The following FSIP1 variants were observed in gnomAD, a reference collection of about 807,000 sequenced individuals.
The protein encoded by FSIP1 is fibrous sheath interacting protein 1.
A neutral mutation model predicts 60.9 loss-of-function variants in FSIP1; 65 were observed. The observed-to-expected ratio is 1.07, with a 90% confidence interval of 0.87 to 1.31. The LOEUF (loss-of-function observed/expected upper bound fraction) is 1.31. Among genes scored for constraint, FSIP1 ranks in the 40% most tolerant of loss-of-function variants. FSIP1 has a pLI of 0.00. For synonymous variants in FSIP1, 209 were observed against 221.2 expected (o/e 0.94, Z 0.49); for missense variants, 675 against 665.5 (o/e 1.01, Z -0.16).
intron 10 of FSIP1, among the ~76,000 whole-genome samples, chr15:39,649,786 T>A (rs1241615656): frequency 6.6e-6 from 1 of 152,244 alleles, no homozygotes; most frequent in Admixed American, 6.5e-5. Context: ...ATCAGAAGAA[T>A]CTGCCTCTTC....
intron 10 of FSIP1, among the ~76,000 whole-genome samples, chr15:39,673,076 C>T (rs77100393): frequency 0.047 from 7,167 of 152,244 alleles, 568 homozygotes; most frequent in African/African-American, 0.16. Flanking sequence ...AGTCCTAGAA[C>T]GTATGGACTC....
chr15:39,774,197 T>C (rs759976584), intron 2 of FSIP1, among the ~76,000 whole-genome samples: 7 of 152,222 alleles, frequency 4.6e-5, no homozygotes, highest in Non-Finnish European at 8.8e-5. Context: ...CTAAAGCACA[T>C]ATAGGCCAGA....
chr15:39,602,739 C>G (rs1398031346), intron 11 of FSIP1, among the ~76,000 whole-genome samples: 1 of 152,022 alleles, frequency 6.6e-6, no homozygotes, highest in East Asian at 2.0e-4. Flanking sequence ...TTTTGCCCAC[C>G]CAGCAAATAA....
At chr15:39,712,433 T>C (rs549854169) in intron 10 of FSIP1, among the ~76,000 whole-genome samples, 21 of 152,056 alleles carry the variant, frequency 1.4e-4, no homozygotes, top group Admixed American at 1.3e-3. Context: ...AGGCATGAGG[T>C]GACAACACTG....
intron 10 of FSIP1, among the ~76,000 whole-genome samples, chr15:39,647,391 GT>G (rs930625551): frequency 1.3e-5 from 2 of 151,866 alleles, no homozygotes; most frequent in African/African-American, 4.8e-5. Context: ...TAAAAAAGTG[GT>G]TTTTTTGGTG....
chr15:39,669,097 G>A (rs1014046904), intron 10 of FSIP1, among the ~76,000 whole-genome samples: 3 of 152,170 alleles, frequency 2.0e-5, no homozygotes, highest in African/African-American at 2.4e-5. Context: ...TGTGGAGTGG[G>A]TGGTCAGCAG....
chr15:39,682,671 C>G (rs1222991840), intron 10 of FSIP1, among the ~76,000 whole-genome samples: 1 of 152,186 alleles, frequency 6.6e-6, no homozygotes, highest in Non-Finnish European at 1.5e-5. Context: ...TAACCACAAG[C>G]AAACATCTAC....
rs1198905597 is a variant in FSIP1 at position 39,618,246 on chromosome 15, C to T, written c.1189-1G>A. 8 of 1,589,346 alleles carry T rather than the reference C, an allele frequency of 5.0e-6. No homozygotes were observed. The highest frequency in any genetic ancestry group is 6.9e-6 in the Non-Finnish European group (8 of 1,164,714). On this transcript the variant is annotated splice_acceptor_variant, in intron 10 of 11. Transcript: ENST00000350221. LOFTEE classifies it high-confidence loss of function. ...CAGAGAGACATGATGTGGACTCTAA[C>T]TGATGAAACAAACCAAAAGATTACA...
In FSIP1 at chr15:39,676,172, CA is replaced by C. The variant is rs11369072; in HGVS notation, c.1188+37271del. On this transcript the variant is annotated intron_variant, in intron 10 of 11. Transcript: ENST00000350221. The stretch of plus-strand genomic sequence containing the variant: ...TGGGTGACAGAGTGAGACTCCATCT[CA>C]AAAAAAAAAAAAAAAATGAATATCA... 2.8e-3 allele frequency among the ~76,000 whole-genome samples: 317 copies of C among 112,842 alleles called. 3 individuals carry two copies. The highest frequency in any genetic ancestry group is 1.0e-2 in the South Asian group (31 of 3,102). The allele number at this position is 112,842 out of a possible 152,430, so 74.0% of individuals were successfully genotyped here.
chr15:39,618,248 G>A lies in FSIP1; in HGVS notation c.1189-3C>T. Reference sequence around the variant, plus strand: ...GAGAGACATGATGTGGACTCTAACTGATGAAACAAACCAAAAGATTACATA... The same window carrying A: ...GAGAGACATGATGTGGACTCTAACTAATGAAACAAACCAAAAGATTACATA... On this transcript the variant is annotated splice_polypyrimidine_tract_variant and splice_region_variant and intron_variant, in intron 10 of 11. Coordinates refer to ENST00000350221, the MANE Select transcript of FSIP1 (RefSeq NM_152597.5). 1.3e-6 allele frequency: 2 copies of A among 1,588,060 alleles called. No individual in the cohort carries two copies. The highest frequency in any genetic ancestry group is 1.1e-5 in the South Asian group (1 of 88,456).
rs532939228 is a variant in FSIP1, at chr15:39,674,055, AT to A, written c.1188+39388del. ...AACATCCTTAACCCGACCCGATTTA[AT>A]TTTTTTTTTTTTTTCTGAGACAGAG... On this transcript the variant is annotated intron_variant, in intron 10 of 11. Transcript: ENST00000350221. 4.8e-3 allele frequency among the ~76,000 whole-genome samples: 694 copies of A among 144,388 alleles called. 5 individuals carry two copies. Among genetic ancestry groups the A allele is most frequent in the African/African-American group, 0.014 (563 of 39,472 alleles). The allele number at this position is 144,388 out of a possible 152,430, so 94.7% of individuals were successfully genotyped here. A position where few individuals can be genotyped will look rare whatever the true frequency, so the allele number is the denominator to read the frequency against.
chr15:39,718,471 T>C (rs1895833867), intron 9 of FSIP1, among the ~76,000 whole-genome samples: 1 of 150,082 alleles, frequency 6.7e-6, no homozygotes, highest in African/African-American at 2.4e-5. Context: ...AAACATGTTA[T>C]CAATTTCATA....
At chr15:39,598,741 T>G (rs1595517741), downstream of FSIP1, 1 of 152,074 alleles carries the variant, frequency 6.6e-6, no homozygotes, top group Admixed American at 6.5e-5. Context: ...TTTATTGTCA[T>G]GTGTTGTGGG....
chr15:39,696,713 C>A (rs1159576248), intron 10 of FSIP1, among the ~76,000 whole-genome samples: 1 of 152,054 alleles, frequency 6.6e-6, no homozygotes, highest in Non-Finnish European at 1.5e-5. Context: ...TAGACACACT[C>A]ATATAGTACC....
At position 39,775,483 on chromosome 15, in the gene FSIP1, A is replaced by G. The variant is rs116813689; in HGVS notation, c.126+916T>C. On this transcript the variant is annotated intron_variant, in intron 2 of 11. Coordinates refer to ENST00000350221, the MANE Select transcript of FSIP1 (RefSeq NM_152597.5). ...AAAAAAATCAAGTCTAGAAGTCTAGATATTTTAAGGAAAAAAAAGGGACTG... is the reference window on the plus strand; with the variant it reads ...AAAAAAATCAAGTCTAGAAGTCTAGGTATTTTAAGGAAAAAAAAGGGACTG... Among the ~76,000 whole-genome samples the G allele has an allele frequency of 5.9e-3, 824 of 140,166 alleles. 5 individuals carry two copies. The highest frequency in any genetic ancestry group is 0.019 in the African/African-American group (773 of 40,846). The allele number at this position is 140,166 out of a possible 152,430, so 92.0% of individuals were successfully genotyped here.
At chr15:39,768,338 G>T (rs1013595989) in intron 3 of FSIP1, among the ~76,000 whole-genome samples, 1 of 151,898 alleles carries the variant, frequency 6.6e-6, no homozygotes, top group Non-Finnish European at 1.5e-5. Flanking sequence ...TCCCCTTTAC[G>T]GCCTTAAAAA....
At chr15:39,775,410 T>A (rs1268478506) in intron 2 of FSIP1, among the ~76,000 whole-genome samples, 1 of 152,060 alleles carries the variant, frequency 6.6e-6, no homozygotes, top group Non-Finnish European at 1.5e-5. Flanking sequence ...CAATTATTCA[T>A]TTCCTAAAAC....
chr15:39,738,256 GA>G (rs34646792), intron 7 of FSIP1, 55 bp from the exon 8 acceptor site: 311,640 of 982,304 alleles, frequency 0.32, 48,670 homozygotes, highest in Non-Finnish European at 0.36. Flanking sequence ...CACAGTTCAG[GA>G]AAAAAAAAAT....
chr15:39,728,013 T>C (rs1896263398), intron 8 of FSIP1, among the ~76,000 whole-genome samples: 1 of 151,894 alleles, frequency 6.6e-6, no homozygotes, highest in African/African-American at 2.4e-5. Context: ...GAGAGCCAAA[T>C]CAAGAACGCA....
Sources: allele counts gnomAD v4.1 joint callset (sites outside exome capture counted in the v4.1 genomes callset), GRCh38; gene constraint gnomAD v4.1.1; transcripts MANE v1.5; gene names NCBI Gene and HGNC (gene_info 2026-07-23, HGNC 2026-07-21).